ENTPD1: variants seen among roughly 807,000 people sequenced by gnomAD.
ENTPD1 encodes the protein ectonucleoside triphosphate diphosphohydrolase 1.
A neutral mutation model predicts 57.0 loss-of-function variants in ENTPD1; 33 were observed. The ratio of observed to expected loss-of-function variants is 0.58; its 90% CI spans 0.44 to 0.77. The LOEUF (loss-of-function observed/expected upper bound fraction) is 0.77, where lower values mean the gene tolerates loss of function less well. Ranked by LOEUF, ENTPD1 falls within the 30% of genes least tolerant of loss-of-function variation. The pLI, the probability that ENTPD1 is intolerant of heterozygous loss-of-function variation, is 0.00. For missense variants in ENTPD1, 501 were observed against 603.4 expected (o/e 0.83, Z 1.78); for synonymous variants, 202 against 218.8 (o/e 0.92, Z 0.68).
At chr10:95,701,181 T>C in the ENTPD1 span, among the ~76,000 whole-genome samples, 2 of 152,330 alleles carry the variant, frequency 1.3e-5, no homozygotes, top group Admixed American at 6.5e-5. Context: ...TCCAGCCTAG[T>C]GCAGTGGCTT....
chr10:95,768,556 A>C (rs766559648), intron 1 of ENTPD1, among the ~76,000 whole-genome samples: 6 of 105,228 alleles, frequency 5.7e-5, no homozygotes, highest in Admixed American at 2.9e-4. Context: ...CATTTTCTTC[A>C]TTTATTTTTC....
chr10:95,808,917 T>C (rs925413301), intron 1 of ENTPD1, among the ~76,000 whole-genome samples: 2 of 152,110 alleles, frequency 1.3e-5, no homozygotes, highest in Non-Finnish European at 2.9e-5. Flanking sequence ...TAGGGAGTGG[T>C]GATGACTCTT....
intron 2 of ENTPD1, among the ~76,000 whole-genome samples, chr10:95,825,986 A>T (rs2098374590): frequency 6.6e-6 from 1 of 152,036 alleles, no homozygotes; most frequent in African/African-American, 2.4e-5. Flanking sequence ...TATTTATTAC[A>T]CTCCAGTCTG....
intron 1 of ENTPD1, among the ~76,000 whole-genome samples, chr10:95,735,188 C>T (rs1359906461): frequency 3.3e-5 from 5 of 152,040 alleles, no homozygotes; most frequent in African/African-American, 1.2e-4. Flanking sequence ...TGTGCCACCA[C>T]ACCTGGCCAA....
At position 95,873,252 on chromosome 10, in the gene ENTPD1, T is replaced by C; in HGVS notation, c.*6869T>C. ...GATCAGTGTTCATCCACTACCTGAC[T>C]ACTGTCATTCACAGGCATTCTGTTC... On this transcript the variant is annotated 3_prime_UTR_variant, in exon 10 of 10. Transcript: ENST00000371205. 1.0e-6 allele frequency: 1 copy of C among 985,438 alleles called. No homozygotes were observed. The highest frequency in any genetic ancestry group is 1.2e-6 in the Non-Finnish European group (1 of 829,922). The allele number at this position is 985,438 out of a possible 1,614,324, so 61.0% of individuals were successfully genotyped here.
rs558019219 is a variant in ENTPD1, at chr10:95,714,575, A to G, written c.37+2582A>G. Among the ~76,000 whole-genome samples the G allele has an allele frequency of 5.2e-4, 79 of 152,248 alleles. 1 individual carries two copies. Among genetic ancestry groups the G allele is most frequent in the African/African-American group, 1.9e-3 (77 of 41,568 alleles). The stretch of plus-strand genomic sequence containing the variant: ...AGAAGCTAATTTTTTCCTGAGTTTA[A>G]GATTATGTTGAAAAATAGAATAGCT... On this transcript the variant is annotated intron_variant, in intron 1 of 9. Transcript: ENST00000453258.
chr10:95,837,996 CACACCCACACACACAGCTAAATT>C (rs1365576712), intron 2 of ENTPD1, among the ~76,000 whole-genome samples: 1 of 151,844 alleles, frequency 6.6e-6, no homozygotes, highest in African/African-American at 2.4e-5. Flanking sequence ...CACACCCACA[CACACCCACACACACAGCTAAATT>C]AAGCATTTTT....
rs2098424928 is a variant in ENTPD1, at chr10:95,842,642, G to C, written c.413+148G>C. ...CTTAAGAAAGGATATTTTAGTAAGT[G>C]AATAAAATGTTCAAACTCTTAGTAT... On this transcript the variant is annotated intron_variant, in intron 4 of 9. Coordinates refer to ENST00000371205, the MANE Select transcript of ENTPD1 (RefSeq NM_001776.6). 3.3e-6 allele frequency: 3 copies of C among 902,760 alleles called. No individual in the cohort carries two copies. The South Asian group carries it at 6.2e-5, about 19-fold the overall frequency. The allele number at this position is 902,760 out of a possible 1,614,324, so 55.9% of individuals were successfully genotyped here. A position where few individuals can be genotyped will look rare whatever the true frequency, so the allele number is the denominator to read the frequency against.
At chr10:95,755,609 C>T (rs2098020230), upstream of ENTPD1, 4 of 1,323,810 alleles carry the variant, frequency 3.0e-6, no homozygotes, top group Non-Finnish European at 4.2e-6. Context: ...GCCTTCCAAC[C>T]AATAACGCAG....
intron 1 of ENTPD1, among the ~76,000 whole-genome samples, chr10:95,778,746 C>T (rs565160249): frequency 4.2e-4 from 64 of 152,208 alleles, no homozygotes; most frequent in South Asian, 1.2e-3. Flanking sequence ...TTTCTCCTCT[C>T]TCTGATGATA....
rs375999924 is a variant in ENTPD1, at chr10:95,839,494, G to C, written c.145-197G>C. The stretch of plus-strand genomic sequence containing the variant: ...TCTGAATATTTCTAACATGCAAACA[G>C]CATGAAGAGCCCCGTTCTAGCAGGG... On this transcript the variant is annotated intron_variant, in intron 2 of 9. Transcript: ENST00000371205. 6.2e-6 allele frequency: 4 copies of C among 644,814 alleles called. No individual in the cohort carries two copies. The African/African-American group carries it at 7.2e-5, about 12-fold the overall frequency. The allele number at this position is 644,814 out of a possible 1,614,324, so 39.9% of individuals were successfully genotyped here.
chr10:95,793,456 A>C (rs1217655418), intron 1 of ENTPD1, among the ~76,000 whole-genome samples: 1 of 152,192 alleles, frequency 6.6e-6, no homozygotes, highest in East Asian at 1.9e-4. Context: ...AAAAGGCCTC[A>C]CAATTGCTCT....
chr10:95,712,446 T>G (rs2097966677), intron 1 of ENTPD1, among the ~76,000 whole-genome samples: 1 of 152,196 alleles, frequency 6.6e-6, no homozygotes, highest in Admixed American at 6.5e-5. Flanking sequence ...CATTTTCTCT[T>G]GGTCCTTGCG....
chr10:95,797,592 G>A (rs1276814328), intron 1 of ENTPD1, among the ~76,000 whole-genome samples: 4 of 152,196 alleles, frequency 2.6e-5, no homozygotes, highest in Admixed American at 1.3e-4. Flanking sequence ...TCTGCTTCTG[G>A]TGAGGGCCTC....
upstream of ENTPD1, chr10:95,753,454 CTA>C (rs575559307): frequency 1.1e-3 from 163 of 152,268 alleles, no homozygotes; most frequent in African/African-American, 3.6e-3. Flanking sequence ...GGGGTTAAAA[CTA>C]TGTTTCTATT....
chr10:95,701,014 G>A, the ENTPD1 span, among the ~76,000 whole-genome samples: 5 of 152,120 alleles, frequency 3.3e-5, no homozygotes, highest in African/African-American at 1.2e-4. Flanking sequence ...GGCTGGTCTC[G>A]AACTCCTGGC....
chr10:95,764,709 C>G (rs2098081170), intron 1 of ENTPD1, among the ~76,000 whole-genome samples: 2 of 145,092 alleles, frequency 1.4e-5, no homozygotes, highest in South Asian at 2.1e-4. Flanking sequence ...CTGTTCAGAT[C>G]CTTTGCCCAT....
chr10:95,787,532 A>C (rs1389581869), intron 1 of ENTPD1, among the ~76,000 whole-genome samples: 2 of 152,186 alleles, frequency 1.3e-5, no homozygotes, highest in Non-Finnish European at 2.9e-5. Flanking sequence ...GAGAATACAA[A>C]GGAGAGAAAA....
At chr10:95,715,543 T>C (rs7095587) in intron 1 of ENTPD1, among the ~76,000 whole-genome samples, 69,919 of 151,786 alleles carry the variant, frequency 0.46, 16,526 homozygotes, top group East Asian at 0.74. Context: ...TCATTCACAT[T>C]CAGTGTAGTT....
Sources: gnomAD v4.1 joint callset for allele counts (sites outside exome capture counted in the v4.1 genomes callset) on GRCh38, gnomAD v4.1.1 for gene constraint, MANE v1.5 for transcripts, NCBI Gene and HGNC (gene_info 2026-07-23, HGNC 2026-07-21) for gene names.